Variants in TARS3 observed in about 807,000 individuals in gnomAD.
TARS3 encodes the protein threonine--tRNA ligase 2, cytoplasmic.
Under a neutral mutation model 103.5 loss-of-function variants are expected in TARS3, and 94 were observed. The observed-to-expected ratio is 0.91, with a 90% CI of 0.77 to 1.08. The LOEUF is 1.08. Among genes scored for constraint, TARS3 ranks in the 50% least tolerant of loss-of-function variants. TARS3 has a pLI of 0.00. For synonymous variants in TARS3, 416 were observed against 355.4 expected (o/e 1.17, Z -1.92); for missense variants, 952 against 995.2 (o/e 0.96, Z 0.58).
intron 15 of TARS3, 89 bp from the exon 16 acceptor site, chr15:101,661,905 G>T: frequency 1.3e-6 from 1 of 753,162 alleles, no homozygotes; most frequent in Non-Finnish European, 2.0e-6. Context: ...AATAGATTTA[G>T]ATTAGTGATA....
chr15:101,699,370 C>T (rs1260677302), intron 10 of TARS3: 4 of 455,662 alleles, frequency 8.8e-6, no homozygotes, highest in African/African-American at 8.0e-5. Context: ...ATTTAAGTGC[C>T]TTTACAGTTT....
intron 15 of TARS3, among the ~76,000 whole-genome samples, chr15:101,663,275 G>A (rs919323248): frequency 2.6e-5 from 4 of 152,126 alleles, no homozygotes; most frequent in Admixed American, 1.3e-4. Flanking sequence ...CATGAGCCAC[G>A]CTGGTGTCCT....
At chr15:101,702,112 T>C (rs1899311642) in intron 9 of TARS3, 127 bp downstream of exon 9, 1 of 1,078,048 alleles carries the variant, frequency 9.3e-7, no homozygotes, top group Admixed American at 2.0e-5. Context: ...CAGCGGACTG[T>C]GAGTGCCAGC....
intron 9 of TARS3, among the ~76,000 whole-genome samples, chr15:101,701,484 T>A (rs975336653): frequency 6.6e-6 from 1 of 152,216 alleles, no homozygotes; most frequent in Non-Finnish European, 1.5e-5. Context: ...CCAAAAAAGT[T>A]CATTGCAGGA....
At chr15:101,659,424 C>T (rs1264220763) in intron 16 of TARS3, among the ~76,000 whole-genome samples, 1 of 152,200 alleles carries the variant, frequency 6.6e-6, no homozygotes, top group Non-Finnish European at 1.5e-5. Flanking sequence ...ATCCCCAGCC[C>T]TACTCCTCTC....
intron 6 of TARS3, among the ~76,000 whole-genome samples, chr15:101,706,040 T>A (rs1486569110): frequency 2.0e-5 from 3 of 152,200 alleles, no homozygotes; most frequent in African/African-American, 4.8e-5. Flanking sequence ...CTTGGCTCAC[T>A]GCAACGTCCG....
chr15:101,718,081 G>A (rs1373462028), intron 3 of TARS3, among the ~76,000 whole-genome samples: 2 of 152,176 alleles, frequency 1.3e-5, no homozygotes, highest in Non-Finnish European at 2.9e-5. Context: ...TAAAAGGGGA[G>A]AGTAGGGCTG....
intron 11 of TARS3, among the ~76,000 whole-genome samples, chr15:101,684,747 T>C (rs980098959): frequency 1.3e-5 from 2 of 152,188 alleles, no homozygotes; most frequent in African/African-American, 4.8e-5. Flanking sequence ...CAAAAAGCAC[T>C]CAACTATGTT....
At chr15:101,679,917 C>A (rs1443629889) in intron 12 of TARS3, among the ~76,000 whole-genome samples, 1 of 152,158 alleles carries the variant, frequency 6.6e-6, no homozygotes, top group African/African-American at 2.4e-5. Context: ...CCCTCCATGG[C>A]CTTTACTGCA....
At chr15:101,686,947 A>G (rs1033381160) in intron 10 of TARS3, among the ~76,000 whole-genome samples, 1 of 152,056 alleles carries the variant, frequency 6.6e-6, no homozygotes, top group African/African-American at 2.4e-5. Flanking sequence ...CTAAAAAAAC[A>G]TAAAACATAA....
rs1898365284 is a variant in TARS3, at chr15:101,684,101, C to T, written c.1624G>A (p.Ala542Thr). ...TRVRRFQQDD[A>T]HIFCTVEQIE... ...TGCTCCACTGTGCAAAAAATGTGAG[C>T]ATCGTCCTGCTGGAAGCGCCTCACT... is the stretch of plus-strand genomic sequence containing the variant. Residue 542 changes from alanine (A) to threonine (T), a missense_variant, in exon 12 of 19, where the codon GCT (alanine) becomes ACT (threonine). Ala to Thr is a moderately conservative substitution (Grantham distance 58). This residue lies in a region of TARS3 where 540 missense variants were observed against 631.0 expected (regional missense o/e 0.86). Transcript: ENST00000335968. 1 of 1,613,078 alleles carries T rather than the reference C, an allele frequency of 6.2e-7. No individual in the cohort carries two copies. The highest frequency in any genetic ancestry group is 1.1e-5 in the South Asian group (1 of 90,946).
intron 16 of TARS3, among the ~76,000 whole-genome samples, chr15:101,660,533 G>C (rs1349186138): frequency 6.6e-6 from 1 of 152,210 alleles, no homozygotes; most frequent in East Asian, 1.9e-4. Context: ...CAGAAGCATG[G>C]CAGCAAAGAA....
In TARS3 at chr15:101,723,076, C is replaced by T. The variant is rs906843551; in HGVS notation, c.369+17G>A. The T allele has an allele frequency of 3.7e-6, 6 of 1,610,672 alleles. No homozygotes were observed. The highest frequency in any genetic ancestry group is 5.1e-6 in the Non-Finnish European group (6 of 1,176,914). ...TTACAGGTAGTATTTTATATTGTTT[C>T]CACAGCAACAACTTACCTCGCTGTC... On this transcript the variant is annotated intron_variant, in intron 2 of 18. Transcript: ENST00000335968.
intron 18 of TARS3, chr15:101,656,095 G>T: frequency 8.0e-7 from 1 of 1,257,784 alleles, no homozygotes; most frequent in South Asian, 1.2e-5. Flanking sequence ...CGAGAAATGG[G>T]GAGAAATACT....
intron 12 of TARS3, among the ~76,000 whole-genome samples, chr15:101,681,813 G>C (rs1048500353): frequency 6.6e-6 from 1 of 152,176 alleles, no homozygotes; most frequent in Non-Finnish European, 1.5e-5. Flanking sequence ...CACATTGGGG[G>C]TTAGGACTTC....
At chr15:101,704,978 A>G (rs143816107) in intron 7 of TARS3, among the ~76,000 whole-genome samples, 269 of 152,284 alleles carry the variant, frequency 1.8e-3, no homozygotes, top group Non-Finnish European at 3.2e-3. Flanking sequence ...ATGAGGGAGA[A>G]TATCTGTGGT....
chr15:101,712,296 T>C (rs1245333484), intron 4 of TARS3, among the ~76,000 whole-genome samples: 1 of 152,114 alleles, frequency 6.6e-6, no homozygotes, highest in African/African-American at 2.4e-5. Context: ...CCACGAGAGA[T>C]GAACACCTCT....
At chr15:101,654,797 C>G in intron 18 of TARS3, 67 bp from the exon 19 acceptor site, 2 of 1,449,590 alleles carry the variant, frequency 1.4e-6, no homozygotes, top group Non-Finnish European at 1.9e-6. Context: ...AGTCAGCAGT[C>G]CCATGACATG....
At chr15:101,675,775 C>A in intron 12 of TARS3, 38 bp from the exon 13 acceptor site, 1 of 1,575,084 alleles carries the variant, frequency 6.3e-7, no homozygotes, top group Non-Finnish European at 8.7e-7. Context: ...AATAGAACAT[C>A]AAATTCATTT....
Sources: gnomAD v4.1 joint callset for allele counts (sites outside exome capture counted in the v4.1 genomes callset) on GRCh38, gnomAD v4.1.1 for gene constraint, gnomAD v4.1.1 regional missense constraint, MANE v1.5 for transcripts, NCBI Gene and HGNC (gene_info 2026-07-23, HGNC 2026-07-21) for gene names.